Variants in ASCC2 observed in about 807,000 individuals in gnomAD.
ASCC2 encodes activating signal cointegrator 1 complex subunit 2.
ASCC2 carries 42 observed loss-of-function variants against 93.5 expected under a neutral mutation model. The observed-to-expected ratio is 0.45, with a 90% CI of 0.35 to 0.58. The LOEUF is 0.58. Ranked by LOEUF, ASCC2 falls within the 20% of genes least tolerant of loss-of-function variation. The pLI is 0.00. For missense variants in ASCC2, 859 were observed against 977.6 expected (o/e 0.88, Z 1.62); for synonymous variants, 364 against 384.2 (o/e 0.95, Z 0.62).
intron 19 of ASCC2, among the ~76,000 whole-genome samples, chr22:29,789,493 TCTC>T (rs981803775): frequency 5.3e-5 from 8 of 152,048 alleles, no homozygotes; most frequent in African/African-American, 1.9e-4. Context: ...TTCAGGTGGG[TCTC>T]CTCCTTTCTC....
At chr22:29,822,311 C>T in intron 5 of ASCC2, 24 bp downstream of exon 5, 2 of 1,612,128 alleles carry the variant, frequency 1.2e-6, no homozygotes, top group Non-Finnish European at 1.7e-6. Context: ...TTGGTGCATC[C>T]TCCCAGTCCT....
chr22:29,826,485 T>G (rs2062346363), intron 2 of ASCC2, among the ~76,000 whole-genome samples: 1 of 151,936 alleles, frequency 6.6e-6, no homozygotes, highest in Non-Finnish European at 1.5e-5. Context: ...CTGGCTAATT[T>G]TTTTTTAGTA....
Position 29,790,453 on chromosome 22 carries a change from C to T in ASCC2, c.2102+16G>A. ...GTGGGAGGGGTCCCCCCAGAAGCAG[C>T]CCCTTGAATGCTCACCCTTTCTTGG... On this transcript the variant is annotated intron_variant, in intron 19 of 19. Coordinates refer to ENST00000307790, the MANE Select transcript of ASCC2 (RefSeq NM_032204.5). 6.2e-7 allele frequency: 1 copy of T among 1,613,870 alleles called. No homozygotes were observed. The highest frequency in any genetic ancestry group is 8.5e-7 in the Non-Finnish European group (1 of 1,179,878).
rs1362171948 is a variant in ASCC2 at position 29,806,578 on chromosome 22, G to A, written c.1017-25C>T. 4.4e-6 allele frequency: 7 copies of A among 1,604,578 alleles called. No homozygotes were observed. The African/African-American group carries it at 8.0e-5, about 18-fold the overall frequency. ...GCTAGAACAAGACACCAGGGAAGAT[G>A]AGCTCATGCAATGCAAGATGAGCTG... On this transcript the variant is annotated intron_variant, in intron 10 of 19. Coordinates refer to ENST00000307790, the MANE Select transcript of ASCC2 (RefSeq NM_032204.5).
In ASCC2 at chr22:29,838,243, T is replaced by C. The variant is rs916481909; in HGVS notation, c.-83A>G. 27 of 444,506 alleles carry C rather than the reference T, an allele frequency of 6.1e-5. No individual in the cohort carries two copies. Among genetic ancestry groups the C allele is most frequent in the Admixed American group, 5.3e-4 (22 of 41,388 alleles). The allele number at this position is 444,506 out of a possible 1,614,324, so 27.5% of individuals were successfully genotyped here. A position where few individuals can be genotyped will look rare whatever the true frequency, so the allele number is the denominator to read the frequency against. On this transcript the variant is annotated 5_prime_UTR_variant, in exon 1 of 20. Transcript: ENST00000307790. ...CGCCGCCGCCGACCACGGTGACAGC[T>C]CCCTGAGCGCCCGCACTTCCGGGGT...
At chr22:29,832,103 G>C in intron 2 of ASCC2, 142 bp downstream of exon 2, 1 of 693,412 alleles carries the variant, frequency 1.4e-6, no homozygotes, top group African/African-American at 1.8e-5. Context: ...GCCTGGAAGA[G>C]ACTAGTAGTG....
At chr22:29,824,908 C>A (rs890405931) in intron 4 of ASCC2, among the ~76,000 whole-genome samples, 179 bp downstream of exon 4, 1 of 152,154 alleles carries the variant, frequency 6.6e-6, no homozygotes, top group Non-Finnish European at 1.5e-5. Context: ...ACAGACCAAC[C>A]CAGTGAATTA....
chr22:29,791,589 G>A (rs995325406), intron 18 of ASCC2, among the ~76,000 whole-genome samples: 2 of 152,188 alleles, frequency 1.3e-5, no homozygotes, highest in African/African-American at 4.8e-5. Context: ...GCTGAGGCAG[G>A]AGAATCACTT....
intron 7 of ASCC2, 110 bp from the exon 8 acceptor site, chr22:29,813,652 A>G (rs1430776077): frequency 1.4e-6 from 1 of 733,686 alleles, no homozygotes; most frequent in East Asian, 2.7e-5. Flanking sequence ...GCAGGATGTT[A>G]CACAGGAGGA....
rs147760635 is a variant in ASCC2 at position 29,809,647 on chromosome 22, C to T, written c.834-1462G>A. On this transcript the variant is annotated intron_variant, in intron 8 of 19. Coordinates refer to ENST00000307790, the MANE Select transcript of ASCC2 (RefSeq NM_032204.5). ...TACGAAAATTAGCTAGGCATGGGGG[C>T]GGGCACCTGTAATCCCAGCTACTCG... 1.9e-3 allele frequency among the ~76,000 whole-genome samples: 283 copies of T among 151,770 alleles called. 9 individuals are homozygous for T. In the East Asian group the frequency reaches 0.05, roughly 27 times the overall value.
intron 5 of ASCC2, among the ~76,000 whole-genome samples, chr22:29,820,910 ACAC>A (rs1266069005): frequency 3.0e-4 from 40 of 131,448 alleles, no homozygotes; most frequent in African/African-American, 9.1e-4. Flanking sequence ...CCATCTCAAT[ACAC>A]AAAAAAAAAA....
intron 6 of ASCC2, among the ~76,000 whole-genome samples, chr22:29,815,737 T>C (rs2148000995): frequency 6.6e-6 from 1 of 152,356 alleles, no homozygotes; most frequent in East Asian, 1.9e-4. Context: ...CATATGGCTG[T>C]TGGCAAGCAA....
At chr22:29,810,482 C>G (rs185841802) in intron 8 of ASCC2, among the ~76,000 whole-genome samples, 337 of 152,246 alleles carry the variant, frequency 2.2e-3, no homozygotes, top group African/African-American at 7.7e-3. Context: ...AGAGGCAGGC[C>G]CTACTAGGCC....
At chr22:29,824,201 G>A (rs5997534) in intron 4 of ASCC2, among the ~76,000 whole-genome samples, 69,510 of 150,978 alleles carry the variant, frequency 0.46, 16,438 homozygotes, top group East Asian at 0.67. Context: ...GAAAAAGGAA[G>A]AGAAAATGTC....
chr22:29,819,729 G>A (rs9614063), intron 5 of ASCC2, among the ~76,000 whole-genome samples: 20,899 of 152,080 alleles, frequency 0.14, 1,619 homozygotes, highest in South Asian at 0.24. Flanking sequence ...CCCCTCCCCC[G>A]TCTCCTGCTG....
chr22:29,831,210 C>A (rs1206297474), intron 2 of ASCC2, among the ~76,000 whole-genome samples: 1 of 152,170 alleles, frequency 6.6e-6, no homozygotes, highest in Non-Finnish European at 1.5e-5. Context: ...TGATAAATAT[C>A]TCCCACACAT....
intron 15 of ASCC2, among the ~76,000 whole-genome samples, chr22:29,800,200 T>C (rs2058918529): frequency 6.6e-6 from 1 of 152,162 alleles, no homozygotes; most frequent in Non-Finnish European, 1.5e-5. Flanking sequence ...AAGCTTCTCC[T>C]TCCCTCCTTT....
chr22:29,824,542 G>C (rs1473486106), intron 4 of ASCC2, among the ~76,000 whole-genome samples: 1 of 152,032 alleles, frequency 6.6e-6, no homozygotes, highest in Non-Finnish European at 1.5e-5. Context: ...TTGAGCCTGG[G>C]AGACTGAAGC....
intron 13 of ASCC2, among the ~76,000 whole-genome samples, chr22:29,803,993 C>T (rs2042414883): frequency 6.6e-6 from 1 of 152,238 alleles, no homozygotes; most frequent in African/African-American, 2.4e-5. Context: ...AACCAAGGTT[C>T]AACGTGAGTG....
Sources: gnomAD v4.1 joint callset for allele counts (sites outside exome capture counted in the v4.1 genomes callset) on GRCh38, gnomAD v4.1.1 for gene constraint, MANE v1.5 for transcripts, NCBI Gene and HGNC (gene_info 2026-07-23, HGNC 2026-07-21) for gene names.